Variants in KIAA1217 observed in about 807,000 individuals in gnomAD.
The protein encoded by KIAA1217 is KIAA1217, also known as sickle tail protein homolog.
Under a neutral mutation model 163.9 loss-of-function variants are expected in KIAA1217, and 88 were observed. The ratio of observed to expected loss-of-function variants is 0.54; its 90% CI spans 0.45 to 0.64. The LOEUF is 0.64. Ranked by LOEUF, KIAA1217 falls within the 30% of genes least tolerant of loss-of-function variation. The probability of loss-of-function intolerance (pLI) is 0.00; values close to 1 mark genes in which losing one functional copy is unlikely to be tolerated. For synonymous variants in KIAA1217, 903 were observed against 923.1 expected (o/e 0.98, Z 0.39); for missense variants, 2,372 against 2,475.0 (o/e 0.96, Z 0.88).
chr10:23,825,810 GCTGA>G (rs1368126180), intron 1 of KIAA1217, among the ~76,000 whole-genome samples: 1 of 152,184 alleles, frequency 6.6e-6, no homozygotes, highest in African/African-American at 2.4e-5. Flanking sequence ...GAGATCCAAT[GCTGA>G]CTTTGTTCCT....
chr10:24,150,273 C>T (rs955382289), intron 2 of KIAA1217, among the ~76,000 whole-genome samples: 3 of 152,164 alleles, frequency 2.0e-5, no homozygotes, highest in Admixed American at 1.3e-4. Flanking sequence ...CCTCAGCCTC[C>T]CAAAGCGCTG....
intron 2 of KIAA1217, among the ~76,000 whole-genome samples, chr10:24,180,425 T>C (rs1256790407): frequency 1.3e-5 from 2 of 151,956 alleles, no homozygotes; most frequent in African/African-American, 4.8e-5. Flanking sequence ...TATCTGGGAT[T>C]AAAGGTGCAT....
At chr10:24,041,871 G>A (rs189933442) in intron 2 of KIAA1217, among the ~76,000 whole-genome samples, 33 of 152,214 alleles carry the variant, frequency 2.2e-4, no homozygotes, top group Non-Finnish European at 3.5e-4. Context: ...ACCTGAGTGG[G>A]TGGGATAATA....
intron 11 of KIAA1217, among the ~76,000 whole-genome samples, chr10:24,520,651 A>AAAAAAAAAATAT (rs1554926857): frequency 5.0e-5 from 2 of 39,662 alleles, no homozygotes; most frequent in Non-Finnish European, 9.7e-5. Flanking sequence ...AAAAAAAAAA[A>AAAAAAAAAATAT]ATATATATAT....
At chr10:24,036,901 A>C (rs1429474752) in intron 2 of KIAA1217, among the ~76,000 whole-genome samples, 1 of 152,236 alleles carries the variant, frequency 6.6e-6, no homozygotes. Flanking sequence ...GTAAGCACTT[A>C]GAATTTTTAA....
chr10:24,135,721 G>A (rs2063807645), intron 2 of KIAA1217, among the ~76,000 whole-genome samples: 1 of 152,064 alleles, frequency 6.6e-6, no homozygotes, highest in Admixed American at 6.5e-5. Flanking sequence ...AAGGCAGAAA[G>A]GATTGGCAAG....
chr10:24,015,648 C>G (rs943540899), intron 2 of KIAA1217, among the ~76,000 whole-genome samples: 3 of 151,262 alleles, frequency 2.0e-5, no homozygotes, highest in African/African-American at 7.3e-5. Flanking sequence ...CCCAGCTACT[C>G]AGGAGGCTGA....
intron 2 of KIAA1217, among the ~76,000 whole-genome samples, chr10:24,153,295 A>T (rs2064710708): frequency 6.6e-6 from 1 of 152,222 alleles, no homozygotes; most frequent in Admixed American, 6.5e-5. Flanking sequence ...TATACTTTTG[A>T]GGGTAAGAAC....
At chr10:24,166,679 A>C (rs2065361408) in intron 2 of KIAA1217, among the ~76,000 whole-genome samples, 2 of 152,216 alleles carry the variant, frequency 1.3e-5, no homozygotes, top group Non-Finnish European at 1.5e-5. Flanking sequence ...TGGAGGTTGC[A>C]GTGAACTGAG....
At chr10:24,263,772 A>G (rs1334369471) in intron 2 of KIAA1217, among the ~76,000 whole-genome samples, 8 of 152,150 alleles carry the variant, frequency 5.3e-5, no homozygotes, top group Non-Finnish European at 8.8e-5. Context: ...TTATGAAAAT[A>G]ATTTTTGTGT....
rs910864496 is a variant in KIAA1217, at chr10:23,883,093, G to A, written c.-320-124132G>A. 2.6e-5 allele frequency among the ~76,000 whole-genome samples: 4 copies of A among 151,996 alleles called. No individual in the cohort carries two copies. The East Asian group carries it at 5.9e-4, about 22-fold the overall frequency. ...AAAACAATACAAAGGATCAAAGGTA[G>A]GGATAGATATATTCCTTAAGTTGTT... On this transcript the variant is annotated intron_variant, in intron 1 of 18. Coordinates refer to the KIAA1217 transcript ENST00000376462.
intron 1 of KIAA1217, among the ~76,000 whole-genome samples, chr10:23,741,694 G>A (rs1451597204): frequency 1.3e-5 from 2 of 152,168 alleles, no homozygotes; most frequent in African/African-American, 4.8e-5. Context: ...AGTGGTATAC[G>A]AGTTGGTGAA....
chr10:24,217,206 A>G (rs2068949416), intron 1 of KIAA1217, among the ~76,000 whole-genome samples: 1 of 152,152 alleles, frequency 6.6e-6, no homozygotes, highest in Non-Finnish European at 1.5e-5. Flanking sequence ...TTTGTTCAGT[A>G]GATCCTGTTA....
At position 23,894,678 on chromosome 10, in the gene KIAA1217, G is replaced by A. The variant is rs928244027; in HGVS notation, c.-320-112547G>A. Reference sequence around the variant, plus strand: ...ATGGAACCAAAAAAGAGCCCGCATCGCCAAGTCAATCCGAAGCCAAAAGAA... The same window carrying A: ...ATGGAACCAAAAAAGAGCCCGCATCACCAAGTCAATCCGAAGCCAAAAGAA... On this transcript the variant is annotated intron_variant, in intron 1 of 18. Transcript: ENST00000376462. Among the ~76,000 whole-genome samples, 161 of 147,630 alleles carry A rather than the reference G, an allele frequency of 1.1e-3. 2 individuals carry two copies. Among genetic ancestry groups the A allele is most frequent in the African/African-American group, 3.7e-3 (149 of 40,164 alleles).
At position 24,039,860 on chromosome 10, in the gene KIAA1217, GCT is replaced by G. The variant is rs1848559143; in HGVS notation, c.-171+32489_-171+32490del. On this transcript the variant is annotated intron_variant, in intron 2 of 18. Coordinates refer to the KIAA1217 transcript ENST00000376462. Reference sequence around the variant, plus strand: ...TAGATATAGATATAATCTCCCACTGGCTCTGTTTTTCTGGAGAACCCTGACTA... The same window carrying G: ...TAGATATAGATATAATCTCCCACTGGCTGTTTTTCTGGAGAACCCTGACTA... Among the ~76,000 whole-genome samples, 2 of 150,096 alleles carry G rather than the reference GCT, an allele frequency of 1.3e-5. 1 individual carries two copies. The highest frequency in any genetic ancestry group is 4.2e-4 in the South Asian group (2 of 4,782).
intron 17 of KIAA1217, among the ~76,000 whole-genome samples, chr10:24,537,193 T>C (rs1439552152): frequency 1.3e-5 from 2 of 152,084 alleles, no homozygotes; most frequent in South Asian, 2.1e-4. Flanking sequence ...AAGAAATATA[T>C]AGAAACAGCA....
intron 1 of KIAA1217, among the ~76,000 whole-genome samples, chr10:23,923,311 G>A (rs765102776): frequency 2.0e-5 from 3 of 152,188 alleles, no homozygotes; most frequent in Non-Finnish European, 2.9e-5. Context: ...AAACATGTGT[G>A]TACAAGTGTC....
chr10:24,452,869 A>G (rs1039797653), intron 5 of KIAA1217, among the ~76,000 whole-genome samples: 2 of 152,200 alleles, frequency 1.3e-5, no homozygotes, highest in Non-Finnish European at 2.9e-5. Context: ...ATTATTACAC[A>G]TTGCATGCTG....
intron 6 of KIAA1217, chr10:24,483,170 C>T (rs1461724536): frequency 6.6e-6 from 1 of 152,178 alleles, no homozygotes; most frequent in Admixed American, 6.5e-5. Context: ...GCAGGAGAAA[C>T]AGCAAGGAGA....
Sources: allele counts gnomAD v4.1 joint callset (sites outside exome capture counted in the v4.1 genomes callset), GRCh38; gene constraint gnomAD v4.1.1; transcripts MANE v1.5; gene names NCBI Gene and HGNC (gene_info 2026-07-23, HGNC 2026-07-21).